Variants in ELMOD1 observed in about 807,000 individuals in gnomAD.
ELMOD1 encodes the protein ELMO domain-containing protein 1.
A neutral mutation model predicts 46.7 loss-of-function variants in ELMOD1; 21 were observed. The observed-to-expected ratio is 0.45, with a 90% CI of 0.32 to 0.65. ELMOD1 has a LOEUF of 0.65. Ranked by LOEUF, ELMOD1 falls within the 30% of genes least tolerant of loss-of-function variation. ELMOD1 has a pLI of 0.04. For missense variants in ELMOD1, 348 were observed against 407.8 expected (o/e 0.85, Z 1.26); for synonymous variants, 122 against 138.2 (o/e 0.88, Z 0.82).
At chr11:107,662,777 G>A (rs977693505) in intron 11 of ELMOD1, among the ~76,000 whole-genome samples, 2 of 151,382 alleles carry the variant, frequency 1.3e-5, no homozygotes, top group Non-Finnish European at 2.9e-5. Context: ...ATACAAAAAT[G>A]AGCCAGGCAT....
At chr11:107,610,215 T>C (rs1032237299) in intron 1 of ELMOD1, among the ~76,000 whole-genome samples, 14 of 152,170 alleles carry the variant, frequency 9.2e-5, no homozygotes, top group Non-Finnish European at 5.9e-5. Flanking sequence ...AAAACACCTC[T>C]AGAGAGGAAG....
intron 6 of ELMOD1, among the ~76,000 whole-genome samples, chr11:107,645,651 A>C (rs1482587828): frequency 7.9e-5 from 12 of 152,184 alleles, no homozygotes; most frequent in Non-Finnish European, 1.5e-5. Context: ...AATGCAGGGC[A>C]CTGGCACATT....
chr11:107,641,057 C>T (rs1866314111), intron 6 of ELMOD1, among the ~76,000 whole-genome samples: 4 of 151,982 alleles, frequency 2.6e-5, no homozygotes, highest in African/African-American at 7.3e-5. Context: ...TTTGGGAAGC[C>T]GAGGAAGGTG....
At chr11:107,620,888 AAAAAG>A (rs780225237) in intron 2 of ELMOD1, among the ~76,000 whole-genome samples, 3 of 152,326 alleles carry the variant, frequency 2.0e-5, no homozygotes, top group South Asian at 2.1e-4. Context: ...AAGAGAAAAG[AAAAAG>A]AAAACATGGG....
intron 2 of ELMOD1, 85 bp from the exon 3 acceptor site, chr11:107,630,332 T>C: frequency 3.1e-6 from 4 of 1,289,978 alleles, no homozygotes. Context: ...GATTTTCTCC[T>C]GGGCTTCTTT....
Position 107,665,330 on chromosome 11 carries a change from C to T in ELMOD1, c.*133C>T. ...ATGCCTTTTGGTACAGTGTTTTCAT[C>T]TCTTGGTCATAATTCCGAGATCCCC... On this transcript the variant is annotated 3_prime_UTR_variant, in exon 12 of 12. Transcript: ENST00000265840. 1 of 918,022 alleles carries T rather than the reference C, an allele frequency of 1.1e-6. No homozygotes were observed. The highest frequency in any genetic ancestry group is 2.4e-5 in the East Asian group (1 of 40,842). 56.9% of individuals were successfully genotyped at this position (918,022 alleles called of 1,614,324 possible).
In ELMOD1 at chr11:107,591,408, A is replaced by G. The variant is rs1002573908; in HGVS notation, c.-87A>G. The G allele has an allele frequency of 6.5e-6, 1 of 153,136 alleles. No individual in the cohort carries two copies. Among genetic ancestry groups the G allele is most frequent in the Non-Finnish European group, 1.5e-5 (1 of 68,788 alleles). The allele number at this position is 153,136 out of a possible 1,614,324, so 9.5% of individuals were successfully genotyped here. A position where few individuals can be genotyped will look rare whatever the true frequency, so the allele number is the denominator to read the frequency against. ...GCTGAGCCTACCGCCGCCAGAGTCC[A>G]GGTGATTGGCGACCCCAGAGGAGCC... On this transcript the variant is annotated splice_region_variant and 5_prime_UTR_variant, in exon 1 of 12. Transcript: ENST00000265840.
At chr11:107,599,435 T>C (rs991299271) in intron 1 of ELMOD1, among the ~76,000 whole-genome samples, 2 of 152,090 alleles carry the variant, frequency 1.3e-5, no homozygotes, top group African/African-American at 4.8e-5. Flanking sequence ...AAAAGCTCAA[T>C]AAATAATTAT....
intron 6 of ELMOD1, chr11:107,643,694 G>T: frequency 3.9e-6 from 2 of 514,010 alleles, no homozygotes; most frequent in Non-Finnish European, 7.9e-6. Context: ...CCATATACCT[G>T]CATCTTGGCC....
Position 107,665,991 on chromosome 11 carries a change from A to T in ELMOD1, c.*794A>T. 6.6e-6 allele frequency: 1 copy of T among 151,400 alleles called. No individual in the cohort carries two copies. The allele number at this position is 151,400 out of a possible 1,614,324, so 9.4% of individuals were successfully genotyped here. A position where few individuals can be genotyped will look rare whatever the true frequency, so the allele number is the denominator to read the frequency against. On this transcript the variant is annotated 3_prime_UTR_variant, in exon 12 of 12. Transcript: ENST00000265840. ...TAAATAAATAAATAAATAAATAAAT[A>T]AATAAATAAATAAATAAATAAATAA...
At chr11:107,632,194 T>C (rs1866152971) in intron 5 of ELMOD1, among the ~76,000 whole-genome samples, 1 of 152,240 alleles carries the variant, frequency 6.6e-6, no homozygotes, top group African/African-American at 2.4e-5. Flanking sequence ...TTTATTCCTC[T>C]CATCTTGGAA....
chr11:107,591,984 C>A, intron 1 of ELMOD1: 1 of 519,724 alleles, frequency 1.9e-6, no homozygotes, highest in South Asian at 1.5e-5. Flanking sequence ...AATATTGGAG[C>A]ATCTCTTTCC....
intron 3 of ELMOD1, 64 bp downstream of exon 3, chr11:107,630,626 C>T: frequency 1.2e-6 from 2 of 1,601,656 alleles, no homozygotes; most frequent in Admixed American, 3.4e-5. Context: ...ACGATGTTGT[C>T]TTTCAGTGTA....
rs1453157890 is a variant in ELMOD1 at position 107,625,380 on chromosome 11, C to CT, written c.18-5032dup. The CT allele has an allele frequency of 2.7e-5, 26 of 976,646 alleles. No individual in the cohort carries two copies. In the East Asian group the frequency reaches 1.9e-3, roughly 73 times the overall value. 60.5% of individuals were successfully genotyped at this position (976,646 alleles called of 1,614,324 possible). A position where few individuals can be genotyped will look rare whatever the true frequency, so the allele number is the denominator to read the frequency against. ...CATATCTTTCATCAACAATAGTGTACTTTTTATTTATTACAGGATTTCTTC... is the reference window on the plus strand; with the variant it reads ...CATATCTTTCATCAACAATAGTGTACTTTTTTATTTATTACAGGATTTCTTC... On this transcript the variant is annotated intron_variant, in intron 2 of 11. Coordinates refer to ENST00000265840, the MANE Select transcript of ELMOD1 (RefSeq NM_018712.4).
At chr11:107,618,281 A>T in intron 2 of ELMOD1, 75 bp downstream of exon 2, 4 of 1,481,484 alleles carry the variant, frequency 2.7e-6, no homozygotes, top group Non-Finnish European at 2.8e-6. Context: ...TAATATTACC[A>T]GTCATCGTTT....
intron 9 of ELMOD1, among the ~76,000 whole-genome samples, chr11:107,652,480 A>G (rs1176877624): frequency 6.6e-6 from 1 of 152,240 alleles, no homozygotes; most frequent in African/African-American, 2.4e-5. Context: ...AGTATCAAAT[A>G]AGTAGAGATC....
intron 1 of ELMOD1, among the ~76,000 whole-genome samples, chr11:107,595,095 A>G (rs921360209): frequency 6.6e-6 from 1 of 152,084 alleles, no homozygotes; most frequent in Non-Finnish European, 1.5e-5. Context: ...TCCAATTTGC[A>G]GACTCCAGCA....
At position 107,644,908 on chromosome 11, in the gene ELMOD1, G is replaced by GTT. The variant is rs35769494; in HGVS notation, c.421-2556_421-2555dup. ...CAGTCACCAAATCAGTTCCTAAAGG[G>GTT]TTTTTGTTTTTGTTTTTGTTTTTGT... On this transcript the variant is annotated intron_variant, in intron 6 of 11. Transcript: ENST00000265840. Among the ~76,000 whole-genome samples the GTT allele has an allele frequency of 9.3e-4, 118 of 127,046 alleles. 1 individual carries two copies. The highest frequency in any genetic ancestry group is 1.4e-3 in the African/African-American group (35 of 24,472). The allele number at this position is 127,046 out of a possible 152,430, so 83.3% of individuals were successfully genotyped here.
At chr11:107,629,042 A>G (rs1453213071) in intron 2 of ELMOD1, among the ~76,000 whole-genome samples, 1 of 152,162 alleles carries the variant, frequency 6.6e-6, no homozygotes, top group Non-Finnish European at 1.5e-5. Context: ...TGTTGCCTGC[A>G]AAGTATTCCA....
Sources: gnomAD v4.1 joint callset for allele counts (sites outside exome capture counted in the v4.1 genomes callset) on GRCh38, gnomAD v4.1.1 for gene constraint, MANE v1.5 for transcripts, NCBI Gene and HGNC (gene_info 2026-07-23, HGNC 2026-07-21) for gene names.